The following EPC2 variants were observed in gnomAD, a reference collection of about 807,000 sequenced individuals.
EPC2 encodes the protein enhancer of polycomb 2.
In EPC2, 14 loss-of-function variants were observed where a neutral mutation model predicts 92.1. The ratio of observed to expected loss-of-function variants is 0.15; its 90% confidence interval spans 0.10 to 0.24. EPC2 has a LOEUF of 0.24. EPC2 is among the 10% of genes least tolerant of loss of function. The pLI, the probability that EPC2 is intolerant of heterozygous loss-of-function variation, is 1.00. For synonymous variants in EPC2, 340 were observed against 334.7 expected (o/e 1.02, Z -0.17); for missense variants, 755 against 971.5 (o/e 0.78, Z 2.96).
chr2:148,752,623 T>C (rs765368455), intron 3 of EPC2, among the ~76,000 whole-genome samples: 1 of 152,156 alleles, frequency 6.6e-6, no homozygotes, highest in Non-Finnish European at 1.5e-5. Context: ...CTAAATGTAA[T>C]TGTGACATGG....
At chr2:148,693,692 C>G (rs75088486) in intron 2 of EPC2, among the ~76,000 whole-genome samples, 4,899 of 152,084 alleles carry the variant, frequency 0.032, 258 homozygotes, top group African/African-American at 0.11. Context: ...TTCCTAATTT[C>G]TTTAACCCAT....
At chr2:148,760,242 G>A (rs1219694337) in intron 4 of EPC2, among the ~76,000 whole-genome samples, 1 of 152,116 alleles carries the variant, frequency 6.6e-6, no homozygotes, top group Non-Finnish European at 1.5e-5. Context: ...GGGCAACAGA[G>A]TGAGACTCTG....
At position 148,648,319 on chromosome 2, in the gene EPC2, A is replaced by C. The variant is rs1683848381; in HGVS notation, c.153+3149A>C. Among the ~76,000 whole-genome samples the C allele has an allele frequency of 2.6e-5, 4 of 152,360 alleles. No homozygotes were observed. The South Asian group carries it at 6.2e-4, about 24-fold the overall frequency. Reference sequence around the variant, plus strand: ...AGCAAATTCATTTCTCTGGTCTTACAGGACTTCTGTTATTAAACAGAATTA... The same window carrying C: ...AGCAAATTCATTTCTCTGGTCTTACCGGACTTCTGTTATTAAACAGAATTA... On this transcript the variant is annotated intron_variant, in intron 1 of 13. Transcript: ENST00000258484.
chr2:148,742,719 T>C (rs1477101026), intron 2 of EPC2, among the ~76,000 whole-genome samples: 1 of 151,184 alleles, frequency 6.6e-6, no homozygotes, highest in Non-Finnish European at 1.5e-5. Flanking sequence ...GAGACAGAGA[T>C]TGCAGTGAGC....
chr2:148,770,840 G>C lies in EPC2; in HGVS notation c.1279G>C (p.Asp427His). The change falls in exon 9 of 14, where the codon GAT (aspartate) becomes CAT (histidine). Residue 427 changes from aspartate (D) to histidine (H), a missense_variant. Physicochemically the swap from Asp to His is moderately conservative, Grantham distance 81. Around this residue, in one of 4 missense-constraint regions of EPC2, gnomAD observed 509 missense variants for 607.7 expected, o/e 0.84. Coordinates refer to ENST00000258484, the MANE Select transcript of EPC2 (RefSeq NM_015630.4). ...NHSCENSELA[D>H]LDKLRYRHCL... ...TTCATGTGAAAATTCAGAATTGGCA[G>C]ATTTGGATAAGTTGAGGTATAGGCA... 6.2e-7 allele frequency: 1 copy of C among 1,613,766 alleles called. No homozygotes were observed. The highest frequency in any genetic ancestry group is 8.5e-7 in the Non-Finnish European group (1 of 1,179,832).
intron 1 of EPC2, among the ~76,000 whole-genome samples, chr2:148,660,473 A>G (rs79925220): frequency 0.026 from 3,931 of 152,198 alleles, 58 homozygotes; most frequent in East Asian, 0.032. Flanking sequence ...CTGAGCATCA[A>G]TTCTTATTTG....
intron 1 of EPC2, among the ~76,000 whole-genome samples, chr2:148,653,106 G>A (rs1241731183): frequency 6.6e-6 from 1 of 152,154 alleles, no homozygotes; most frequent in Non-Finnish European, 1.5e-5. Context: ...CTTGAGGGAA[G>A]GTATCATGTG....
rs1177106077 is a variant in EPC2, at chr2:148,781,769, C to G, written c.1846C>G (p.Pro616Ala). ...TCAGCATTCCTCGCAACAGACACAT[C>G]CAAAAGCACAGGTAAACTGCTCTTT... is the stretch of plus-strand genomic sequence containing the variant. ...QSQHSSQQTH[P>A]KAQGSSTSDC... The change falls in exon 11 of 14, where the codon CCA becomes GCA. Residue 616 changes from proline (P) to alanine (A), a missense_variant. Coordinates refer to ENST00000258484, the MANE Select transcript of EPC2 (RefSeq NM_015630.4). The G allele has an allele frequency of 1.2e-6, 2 of 1,613,838 alleles. No homozygotes were observed. Among genetic ancestry groups the G allele is most frequent in the Admixed American group, 3.3e-5 (2 of 59,990 alleles).
chr2:148,731,528 G>A (rs1257685270), intron 2 of EPC2, among the ~76,000 whole-genome samples: 1 of 152,008 alleles, frequency 6.6e-6, no homozygotes, highest in Non-Finnish European at 1.5e-5. Flanking sequence ...TCAGCTTCCC[G>A]AATAGCTGGG....
chr2:148,703,267 A>G (rs1404304888), intron 2 of EPC2, among the ~76,000 whole-genome samples: 5 of 151,784 alleles, frequency 3.3e-5, no homozygotes, highest in South Asian at 2.1e-4. Flanking sequence ...CTTCTGTCCT[A>G]TTTTTTCCTA....
intron 10 of EPC2, among the ~76,000 whole-genome samples, chr2:148,773,574 C>G (rs1450587826): frequency 2.0e-5 from 3 of 152,008 alleles, no homozygotes; most frequent in Non-Finnish European, 2.9e-5. Context: ...TGAACTCATT[C>G]TTCTTCACTG....
At chr2:148,654,246 C>T (rs1002224873) in intron 1 of EPC2, among the ~76,000 whole-genome samples, 4 of 151,990 alleles carry the variant, frequency 2.6e-5, no homozygotes, top group African/African-American at 9.7e-5. Context: ...CATGCCCGGC[C>T]AAGATTACAT....
At chr2:148,774,612 A>G (rs1242002162) in intron 10 of EPC2, among the ~76,000 whole-genome samples, 1 of 143,462 alleles carries the variant, frequency 7.0e-6, no homozygotes, top group Non-Finnish European at 1.5e-5. Flanking sequence ...GACTCAAAAA[A>G]AAAAATATAT....
chr2:148,663,056 T>G (rs1345418892), intron 1 of EPC2, among the ~76,000 whole-genome samples: 1 of 151,580 alleles, frequency 6.6e-6, no homozygotes, highest in African/African-American at 2.4e-5. Context: ...TATAGTTAAC[T>G]GTGGCTGCAA....
At chr2:148,682,585 CAG>C (rs1007518314) in intron 1 of EPC2, among the ~76,000 whole-genome samples, 8 of 152,088 alleles carry the variant, frequency 5.3e-5, no homozygotes, top group African/African-American at 1.7e-4. Flanking sequence ...AGGAAAGTTG[CAG>C]AGAGTCGAGT....
At chr2:148,679,167 T>C (rs919931508) in intron 1 of EPC2, among the ~76,000 whole-genome samples, 3 of 152,224 alleles carry the variant, frequency 2.0e-5, no homozygotes, top group Non-Finnish European at 2.9e-5. Flanking sequence ...TTTAAATACA[T>C]ATGCTGCCAT....
At chr2:148,760,738 A>T (rs1237373791) in intron 4 of EPC2, among the ~76,000 whole-genome samples, 1 of 152,206 alleles carries the variant, frequency 6.6e-6, no homozygotes, top group Non-Finnish European at 1.5e-5. Flanking sequence ...GTTATTTTTA[A>T]TATATGACTA....
At chr2:148,734,222 TC>T (rs924208192) in intron 2 of EPC2, among the ~76,000 whole-genome samples, 3 of 152,132 alleles carry the variant, frequency 2.0e-5, no homozygotes, top group Non-Finnish European at 4.4e-5. Context: ...TTGAAATGTT[TC>T]CCCATTGAAG....
intron 1 of EPC2, among the ~76,000 whole-genome samples, chr2:148,656,021 G>T (rs1175603578): frequency 1.7e-5 from 2 of 114,756 alleles, no homozygotes; most frequent in Admixed American, 1.7e-4. Flanking sequence ...GTGTGTGTGT[G>T]TGTGGGGGGG....
Sources: allele counts gnomAD v4.1 joint callset (sites outside exome capture counted in the v4.1 genomes callset), GRCh38; gene constraint gnomAD v4.1.1; regional missense constraint gnomAD v4.1.1; transcripts MANE v1.5; gene names NCBI Gene and HGNC (gene_info 2026-07-23, HGNC 2026-07-21).